PCSK5: variants seen among roughly 807,000 people sequenced by gnomAD.
PCSK5 encodes proprotein convertase subtilisin/kexin type 5.
PCSK5 carries 129 observed loss-of-function variants against 233.2 expected under a neutral mutation model. The observed-to-expected ratio is 0.55, with a 90% CI of 0.48 to 0.64. The LOEUF (loss-of-function observed/expected upper bound fraction) is 0.64. Ranked by LOEUF, PCSK5 falls within the 30% of genes least tolerant of loss-of-function variation. The pLI is 0.00. For missense variants in PCSK5, 2,076 were observed against 2,430.1 expected (o/e 0.85, Z 3.06); for synonymous variants, 825 against 879.2 (o/e 0.94, Z 1.09).
In PCSK5 at chr9:75,891,065, C is replaced by CGAGCTGCGGCGGCCCGGGGCTGT; in HGVS notation, c.-95_-94insTGAGCTGCGGCGGCCCGGGGCTG. The stretch of plus-strand genomic sequence containing the variant: ...GCCTCCTGCCGATCGCCCGGGGCTG[C>CGAGCTGCGGCGGCCCGGGGCTGT]GAGCTGCGGCGGCCCGGGGCTGCTC... On this transcript the variant is annotated 5_prime_UTR_variant, in exon 1 of 38. Transcript: ENST00000674117. The CGAGCTGCGGCGGCCCGGGGCTGT allele has an allele frequency of 4.1e-6, 4 of 968,108 alleles. No homozygotes were observed. Among genetic ancestry groups the CGAGCTGCGGCGGCCCGGGGCTGT allele is most frequent in the Non-Finnish European group, 5.6e-6 (4 of 720,110 alleles). 60.0% of individuals were successfully genotyped at this position (968,108 alleles called of 1,614,324 possible). A position where few individuals can be genotyped will look rare whatever the true frequency, so the allele number is the denominator to read the frequency against.
intron 1 of PCSK5, among the ~76,000 whole-genome samples, chr9:75,917,921 T>C (rs1490075788): frequency 6.6e-6 from 1 of 152,178 alleles, no homozygotes; most frequent in African/African-American, 2.4e-5. Flanking sequence ...ACTTAATGGT[T>C]ATGGGAAGAC....
In PCSK5 at chr9:75,924,604, C is replaced by T. The variant is rs1188722616; in HGVS notation, c.193-7775C>T. Among the ~76,000 whole-genome samples, 5 of 151,904 alleles carry T rather than the reference C, an allele frequency of 3.3e-5. No homozygotes were observed. The East Asian group carries it at 9.6e-4, about 29-fold the overall frequency. On this transcript the variant is annotated intron_variant, in intron 1 of 37. Coordinates refer to ENST00000674117, the MANE Select transcript of PCSK5 (RefSeq NM_001372043.1). ...ATGAAGGCCAGGATTCTTGCCCCCG[C>T]CCCCCACTCCCAGAGAAAAGGAATG...
At chr9:76,245,810 G>T (rs1186731480) in intron 24 of PCSK5, among the ~76,000 whole-genome samples, 4 of 152,116 alleles carry the variant, frequency 2.6e-5, no homozygotes, top group Non-Finnish European at 5.9e-5. Flanking sequence ...AAGTTAATTT[G>T]GTTATTGCGT....
intron 20 of PCSK5, among the ~76,000 whole-genome samples, 183 bp from the exon 21 acceptor site, chr9:76,227,320 A>T (rs1306849112): frequency 6.6e-6 from 1 of 152,108 alleles, no homozygotes; most frequent in Non-Finnish European, 1.5e-5. Flanking sequence ...CCCCCGGGAG[A>T]GGAGCAGTTG....
In PCSK5 at chr9:75,986,152, A is replaced by G. The variant is rs766029213; in HGVS notation, c.318A>G (p.Gln106=). 12 of 1,611,880 alleles carry G rather than the reference A, an allele frequency of 7.4e-6. No individual in the cohort carries two copies. Among genetic ancestry groups the G allele is most frequent in the Admixed American group, 5.0e-5 (3 of 60,014 alleles). The change falls in exon 3 of 38, where the codon CAA becomes CAG. Residue 106 remains glutamine (Q), a synonymous_variant. Transcript: ENST00000674117. The part of the protein sequence containing the change: ...MEPKVEWIQQ[Q]VVKKRTKRDY... ...GACAGGTGGAATGGATCCAACAGCA[A>G]GTGGTAAAAAAGCGGACAAAGAGGG...
At chr9:76,020,653 G>T (rs1300188447) in intron 3 of PCSK5, among the ~76,000 whole-genome samples, 2 of 152,166 alleles carry the variant, frequency 1.3e-5, no homozygotes, top group Non-Finnish European at 2.9e-5. Flanking sequence ...ATATTTAATG[G>T]TAAAGTCAGA....
intron 1 of PCSK5, among the ~76,000 whole-genome samples, chr9:75,918,144 T>A (rs1823084341): frequency 6.6e-6 from 1 of 152,266 alleles, no homozygotes; most frequent in Non-Finnish European, 1.5e-5. Flanking sequence ...AAATCCCATT[T>A]TATTCTAAAC....
At chr9:76,293,980 T>A (rs1363262850) in intron 25 of PCSK5, among the ~76,000 whole-genome samples, 1 of 152,206 alleles carries the variant, frequency 6.6e-6, no homozygotes, top group Non-Finnish European at 1.5e-5. Context: ...GTGGATCACC[T>A]GAGGTCAGGA....
At chr9:76,211,259 G>A (rs909819819) in intron 20 of PCSK5, among the ~76,000 whole-genome samples, 1 of 152,190 alleles carries the variant, frequency 6.6e-6, no homozygotes. Context: ...ACATCCATTC[G>A]TATGAAGTCC....
chr9:76,233,438 T>C, intron 21 of PCSK5, 22 bp from the exon 22 acceptor site: 1 of 1,612,358 alleles, frequency 6.2e-7, no homozygotes, highest in Non-Finnish European at 8.5e-7. Context: ...TGATGAATTC[T>C]AAAAGTCTGC....
chr9:76,253,043 T>C (rs1826862204), intron 24 of PCSK5, among the ~76,000 whole-genome samples: 1 of 152,194 alleles, frequency 6.6e-6, no homozygotes, highest in Admixed American at 6.5e-5. Flanking sequence ...GAATAAAATA[T>C]ATACCAGCAG....
intron 3 of PCSK5, among the ~76,000 whole-genome samples, chr9:75,996,344 A>G (rs970437265): frequency 6.6e-6 from 1 of 152,168 alleles, no homozygotes; most frequent in African/African-American, 2.4e-5. Context: ...TGCAATGACC[A>G]TGTTGCCTTC....
chr9:76,304,288 G>A (rs1828707476), intron 28 of PCSK5, among the ~76,000 whole-genome samples: 2 of 152,106 alleles, frequency 1.3e-5, no homozygotes, highest in African/African-American at 2.4e-5. Context: ...GCATCTATCC[G>A]CATATCTGTG....
intron 3 of PCSK5, among the ~76,000 whole-genome samples, chr9:76,000,802 C>G (rs1827228129): frequency 1.3e-5 from 2 of 152,148 alleles, no homozygotes; most frequent in South Asian, 4.1e-4. Context: ...ACTTCTAGGT[C>G]CTTTAATGTG....
At chr9:75,950,713 A>C (rs1007030467) in intron 2 of PCSK5, among the ~76,000 whole-genome samples, 9 of 152,214 alleles carry the variant, frequency 5.9e-5, no homozygotes, top group Non-Finnish European at 1.3e-4. Flanking sequence ...AAGGAACAAC[A>C]GGTACCAGCC....
chr9:76,247,980 T>G (rs1040639603), intron 24 of PCSK5, among the ~76,000 whole-genome samples: 9 of 152,132 alleles, frequency 5.9e-5, no homozygotes, highest in Non-Finnish European at 1.0e-4. Flanking sequence ...GAGATGGAGT[T>G]TCACCATGTT....
intron 17 of PCSK5, among the ~76,000 whole-genome samples, chr9:76,187,749 A>T (rs1263838493): frequency 6.6e-6 from 1 of 152,206 alleles, no homozygotes; most frequent in African/African-American, 2.4e-5. Context: ...AGAAATTAGA[A>T]GGGAGAGAAA....
intron 3 of PCSK5, among the ~76,000 whole-genome samples, chr9:75,999,518 A>T (rs1827173981): frequency 6.6e-6 from 1 of 152,252 alleles, no homozygotes; most frequent in Non-Finnish European, 1.5e-5. Context: ...GATGGGCCGA[A>T]TTAGAGGAAT....
At chr9:75,912,341 G>A (rs909947698) in intron 1 of PCSK5, among the ~76,000 whole-genome samples, 11 of 152,302 alleles carry the variant, frequency 7.2e-5, no homozygotes, top group East Asian at 3.9e-4. Flanking sequence ...CAAGAAGCCC[G>A]GTGATTCTGA....
Sources: allele counts gnomAD v4.1 joint callset (sites outside exome capture counted in the v4.1 genomes callset), GRCh38; gene constraint gnomAD v4.1.1; transcripts MANE v1.5; gene names NCBI Gene and HGNC (gene_info 2026-07-23, HGNC 2026-07-21).